CDH12: variants seen among roughly 807,000 people sequenced by gnomAD.
CDH12 encodes the protein cadherin-12.
A neutral mutation model predicts 74.1 loss-of-function variants in CDH12; 41 were observed. The ratio of observed to expected loss-of-function variants is 0.55; its 90% CI spans 0.43 to 0.72. The LOEUF is 0.72. CDH12 is among the 30% of genes least tolerant of loss of function. The pLI, the probability that CDH12 is intolerant of heterozygous loss-of-function variation, is 0.00. For synonymous variants in CDH12, 399 were observed against 355.0 expected (o/e 1.12, Z -1.39); for missense variants, 945 against 977.2 (o/e 0.97, Z 0.44).
intron 2 of CDH12, among the ~76,000 whole-genome samples, chr5:22,417,966 C>T (rs886655840): frequency 2.0e-5 from 3 of 151,956 alleles, no homozygotes; most frequent in African/African-American, 7.3e-5. Flanking sequence ...ATTTGTGTAC[C>T]CTTTTTAAAA....
intron 9 of CDH12, among the ~76,000 whole-genome samples, chr5:21,806,663 C>G (rs898662683): frequency 4.6e-5 from 7 of 152,094 alleles, no homozygotes; most frequent in Non-Finnish European, 8.8e-5. Flanking sequence ...ATCAATCTCC[C>G]TCATGTCAGT....
intron 6 of CDH12, among the ~76,000 whole-genome samples, chr5:21,965,856 C>T (rs1283665401): frequency 1.3e-5 from 2 of 151,904 alleles, no homozygotes; most frequent in East Asian, 1.9e-4. Flanking sequence ...AATCCAATAT[C>T]GAGTTGTTCT....
chr5:22,566,360 C>G (rs555676268), intron 1 of CDH12, among the ~76,000 whole-genome samples: 1 of 151,822 alleles, frequency 6.6e-6, no homozygotes, highest in Non-Finnish European at 1.5e-5. Flanking sequence ...GCTTCAGCCT[C>G]CTGAGTAGCT....
At chr5:22,004,415 C>A (rs559938292) in intron 5 of CDH12, among the ~76,000 whole-genome samples, 1 of 152,156 alleles carries the variant, frequency 6.6e-6, no homozygotes, top group South Asian at 2.1e-4. Flanking sequence ...CTTGGAGTGG[C>A]CTTCAAGTTC....
At chr5:21,927,800 T>A (rs1754654063) in intron 6 of CDH12, among the ~76,000 whole-genome samples, 1 of 151,822 alleles carries the variant, frequency 6.6e-6, no homozygotes, top group Admixed American at 6.6e-5. Flanking sequence ...CCTGGTGCGG[T>A]GGCTCACGTC....
At chr5:22,108,661 A>T (rs1698839229) in intron 4 of CDH12, among the ~76,000 whole-genome samples, 1 of 152,178 alleles carries the variant, frequency 6.6e-6, no homozygotes, top group Non-Finnish European at 1.5e-5. Flanking sequence ...GTAGATAGGA[A>T]CTCATCATAT....
chr5:22,486,085 A>G (rs1190388940), intron 2 of CDH12, among the ~76,000 whole-genome samples: 1 of 152,194 alleles, frequency 6.6e-6, no homozygotes, highest in Non-Finnish European at 1.5e-5. Flanking sequence ...GCCTGCCCTC[A>G]GCCTCTCCTC....
At chr5:21,906,449 G>A (rs545077056) in intron 6 of CDH12, among the ~76,000 whole-genome samples, 8 of 152,158 alleles carry the variant, frequency 5.3e-5, no homozygotes, top group Non-Finnish European at 1.2e-4. Context: ...AGACAACTCC[G>A]AAATTCCTCT....
intron 6 of CDH12, among the ~76,000 whole-genome samples, chr5:21,961,053 C>A (rs1308515642): frequency 6.6e-6 from 1 of 151,776 alleles, no homozygotes; most frequent in East Asian, 1.9e-4. Context: ...AATTAGACTA[C>A]ATTAGTTGAT....
At chr5:21,951,206 C>T (rs1284510295) in intron 6 of CDH12, among the ~76,000 whole-genome samples, 1 of 151,998 alleles carries the variant, frequency 6.6e-6, no homozygotes. Flanking sequence ...ATCATTAGAC[C>T]TAGAAATAGC....
intron 6 of CDH12, among the ~76,000 whole-genome samples, chr5:21,874,785 G>A (rs1006122571): frequency 3.3e-5 from 5 of 152,298 alleles, no homozygotes; most frequent in Admixed American, 3.3e-4. Context: ...CAGCCAGGCG[G>A]TGCCCATTGC....
intron 2 of CDH12, among the ~76,000 whole-genome samples, chr5:22,465,372 G>C (rs1745685139): frequency 6.6e-6 from 1 of 152,010 alleles, no homozygotes; most frequent in Admixed American, 6.6e-5. Context: ...ACATGTCACA[G>C]CATGGCTCAT....
intron 6 of CDH12, among the ~76,000 whole-genome samples, chr5:21,871,727 C>G (rs987508111): frequency 3.9e-5 from 6 of 152,092 alleles, no homozygotes; most frequent in Non-Finnish European, 7.4e-5. Flanking sequence ...AACTCCATCT[C>G]AAAAGTAAAA....
In CDH12 at chr5:21,751,587, A is replaced by T; in HGVS notation, c.*150T>A. On this transcript the variant is annotated 3_prime_UTR_variant, in exon 15 of 15. Transcript: ENST00000382254. ...TTTAGTAACTTACTAGAAACCAGGTAATCAAAGGAATCTTGTCCCAGAGTG... is the reference window on the plus strand; with the variant it reads ...TTTAGTAACTTACTAGAAACCAGGTTATCAAAGGAATCTTGTCCCAGAGTG... The T allele has an allele frequency of 1.5e-6, 1 of 645,164 alleles. No individual in the cohort carries two copies. Among genetic ancestry groups the T allele is most frequent in the Non-Finnish European group, 2.6e-6 (1 of 388,438 alleles). 40.0% of individuals were successfully genotyped at this position (645,164 alleles called of 1,614,324 possible).
intron 4 of CDH12, among the ~76,000 whole-genome samples, chr5:22,128,750 T>C (rs1746020305): frequency 6.6e-6 from 1 of 152,198 alleles, no homozygotes; most frequent in Non-Finnish European, 1.5e-5. Flanking sequence ...AGTCCAGGTA[T>C]TAGTGTTTAC....
chr5:21,985,388 A>G (rs1757471954), intron 5 of CDH12, among the ~76,000 whole-genome samples: 1 of 152,154 alleles, frequency 6.6e-6, no homozygotes, highest in Non-Finnish European at 1.5e-5. Flanking sequence ...ATCTTCTGAT[A>G]GATCTATACA....
intron 4 of CDH12, among the ~76,000 whole-genome samples, chr5:22,181,886 C>T (rs1466747811): frequency 6.6e-6 from 1 of 152,080 alleles, no homozygotes; most frequent in African/African-American, 2.4e-5. Flanking sequence ...TAAGAAACTA[C>T]TCCCAAATCA....
At chr5:22,810,422 T>C (rs1749081663) in intron 1 of CDH12, among the ~76,000 whole-genome samples, 1 of 152,186 alleles carries the variant, frequency 6.6e-6, no homozygotes, top group African/African-American at 2.4e-5. Flanking sequence ...GTTTCTCACA[T>C]CATTTTTTTT....
At chr5:22,660,073 T>C (rs138029536) in intron 1 of CDH12, among the ~76,000 whole-genome samples, 9 of 152,294 alleles carry the variant, frequency 5.9e-5, no homozygotes, top group African/African-American at 2.2e-4. Context: ...CTTTCATGCT[T>C]TCAAGGAAAA....
Sources: allele counts gnomAD v4.1 joint callset (sites outside exome capture counted in the v4.1 genomes callset), GRCh38; gene constraint gnomAD v4.1.1; transcripts MANE v1.5; gene names NCBI Gene and HGNC (gene_info 2026-07-23, HGNC 2026-07-21).